Variants in NACAD observed in about 807,000 individuals in gnomAD.
NACAD encodes the protein NAC-alpha domain-containing protein 1.
In NACAD, 47 loss-of-function variants were observed where a neutral mutation model predicts 98.9. That is an observed-to-expected ratio of 0.48 (90% CI 0.38 to 0.61). The LOEUF is 0.61. NACAD is among the 20% of genes least tolerant of loss of function. NACAD has a pLI of 0.00. For missense variants in NACAD, 1,412 were observed against 1,748.2 expected (o/e 0.81, Z 3.43); for synonymous variants, 696 against 767.2 (o/e 0.91, Z 1.53).
chr7:45,081,325 C>T, intron 4 of NACAD, 62 bp from the exon 5 acceptor site: 1 of 1,527,654 alleles, frequency 6.5e-7, no homozygotes, highest in Non-Finnish European at 8.8e-7. Flanking sequence ...GGGAGGAGAG[C>T]AGCACAGTGC....
Position 45,081,840 on chromosome 7 carries a change from TGGCCCGAGCCCAG to T in NACAD, c.4087_4099del (p.Leu1363SerfsTer137). ...TGACTCCCCGTGGCTATCCGAATGC[TGGCCCGAGCCCAG>T]GGCCCGAGGCGAGTCTGGGGAAGGG... On this transcript the variant is annotated frameshift_variant, in exon 3 of 8. Transcript: ENST00000490531. LOFTEE classifies it high-confidence loss of function. 6.5e-7 allele frequency: 1 copy of T among 1,548,184 alleles called. No homozygotes were observed. Among genetic ancestry groups the T allele is most frequent in the South Asian group, 1.2e-5 (1 of 84,016 alleles).
At chr7:45,086,794 G>A (rs1369023428) in intron 1 of NACAD, among the ~76,000 whole-genome samples, 1 of 152,228 alleles carries the variant, frequency 6.6e-6, no homozygotes, top group Non-Finnish European at 1.5e-5. Flanking sequence ...AGGCTTTGCT[G>A]GAGCATCTGG....
At chr7:45,081,080 C>G in intron 5 of NACAD, 37 bp downstream of exon 5, 1 of 1,551,016 alleles carries the variant, frequency 6.4e-7, no homozygotes, top group Non-Finnish European at 8.7e-7. Context: ...TCCCCTATCC[C>G]TCGGATCCCC....
chr7:45,082,512 C>G lies in NACAD; in HGVS notation c.3668G>C (p.Arg1223Thr). 1 of 1,549,756 alleles carries G rather than the reference C, an allele frequency of 6.5e-7. No individual in the cohort carries two copies. The part of the protein sequence containing the change: ...AKGQPSTPVD[R>T]PLGPDPSAPG... ...AGCAGAAGGGTCAGGGCCCAGGGGC[C>G]TGTCCACGGGCGTGCTGGGCTGACC... The change falls in exon 2 of 8, where the codon AGG becomes ACG. Residue 1223 changes from arginine to threonine, a missense_variant. By Grantham distance (71) the Arg-to-Thr change is moderately conservative (BLOSUM62 -1). Coordinates refer to ENST00000490531, the MANE Select transcript of NACAD (RefSeq NM_001146334.2). This position sits in a 1 kb window ranked among gnomAD's most constrained non-coding sequence, Gnocchi z 4.5.
chr7:45,080,567 G>A (rs1319597524), intron 7 of NACAD, 44 bp from the exon 8 acceptor site: 1 of 1,551,450 alleles, frequency 6.4e-7, no homozygotes, highest in Non-Finnish European at 8.7e-7. Context: ...CCCCGCAGTG[G>A]AGCCAACATC....
chr7:45,082,340 G>T lies in NACAD; in HGVS notation c.3840C>A (p.Ala1280=), dbSNP rs767848146. ...GTGTGGTTCCTGAGACAGCAGCAGC[G>T]GCAGGCTGGACTCCTGCCTGGGGCG... is the stretch of plus-strand genomic sequence containing the variant. ...LPPPQAGVQP[A]AAAVSGTTQP... The change falls in exon 2 of 8, where the codon GCC becomes GCA. Residue 1280 remains alanine (A), a synonymous_variant. Transcript: ENST00000490531. The surrounding 1 kb of genome is among the most constrained non-coding windows in gnomAD (Gnocchi z 4.5). 1 of 1,550,472 alleles carries T rather than the reference G, an allele frequency of 6.4e-7. No individual in the cohort carries two copies. Among genetic ancestry groups the T allele is most frequent in the Middle Eastern group, 1.7e-4 (1 of 5,988 alleles).
Position 45,085,325 on chromosome 7 carries a change from G to T in NACAD, c.855C>A (p.Ser285Arg). The change falls in exon 2 of 8, where the codon AGC (serine) becomes AGA (arginine). Residue 285 changes from serine to arginine, a missense_variant. Around this residue, in one of 5 missense-constraint regions of NACAD, gnomAD observed 638 missense variants for 722.7 expected, o/e 0.88. Transcript: ENST00000490531. The surrounding 1 kb of genome is among the most constrained non-coding windows in gnomAD (Gnocchi z 6.1). The part of the protein sequence containing the change: ...SSESSLSADS[S>R]SSWGQEGHFF... ...AGTGGCCCTCCTGGCCCCAGGAGGA[G>T]CTGCTGTCTGCAGAGAGGCTGGACT... The T allele has an allele frequency of 1.3e-6, 2 of 1,551,060 alleles. No homozygotes were observed. Among genetic ancestry groups the T allele is most frequent in the Non-Finnish European group, 1.7e-6 (2 of 1,146,892 alleles).
Position 45,080,724 on chromosome 7 carries a change from C to A in NACAD, c.4590G>T (p.Leu1530=). 2 of 1,551,106 alleles carry A rather than the reference C, an allele frequency of 1.3e-6. No individual in the cohort carries two copies. Among genetic ancestry groups the A allele is most frequent in the Admixed American group, 2.0e-5 (1 of 51,000 alleles). ...EAGLELRDIE[L]VMAQANVSRA... Reference sequence around the variant, plus strand: ...TGGACACATTGGCCTGCGCCATCACCAGCTCAATGTCACGCAGTTCCAGCC... The same window carrying A: ...TGGACACATTGGCCTGCGCCATCACAAGCTCAATGTCACGCAGTTCCAGCC... Residue 1530 remains leucine (L), a synonymous_variant, in exon 7 of 8, where the codon CTG becomes CTT. Coordinates refer to ENST00000490531, the MANE Select transcript of NACAD (RefSeq NM_001146334.2).
Position 45,082,094 on chromosome 7 carries a change from A to G in NACAD, c.4072+14T>C. 6.1e-6 allele frequency: 9 copies of G among 1,464,252 alleles called. No homozygotes were observed. The highest frequency in any genetic ancestry group is 8.1e-6 in the Non-Finnish European group (9 of 1,106,862). The allele number at this position is 1,464,252 out of a possible 1,614,324, so 90.7% of individuals were successfully genotyped here. A position where few individuals can be genotyped will look rare whatever the true frequency, so the allele number is the denominator to read the frequency against. On this transcript the variant is annotated intron_variant, in intron 2 of 7. Coordinates refer to ENST00000490531, the MANE Select transcript of NACAD (RefSeq NM_001146334.2). This position sits in a 1 kb window ranked among gnomAD's most constrained non-coding sequence, Gnocchi z 4.5. ...CCAAGCCCCAGGGCACTTCACTCCCACCCTCTGCCTTACCTTCCTCCAGGC... is the reference window on the plus strand; with the variant it reads ...CCAAGCCCCAGGGCACTTCACTCCCGCCCTCTGCCTTACCTTCCTCCAGGC...
At chr7:45,080,851 A>T in intron 6 of NACAD, 25 bp downstream of exon 6, 5 of 1,551,804 alleles carry the variant, frequency 3.2e-6, no homozygotes, top group Non-Finnish European at 4.4e-6. Context: ...ACCCCCTGCG[A>T]GGCCCTGGAG....
rs1053844228 is a variant in NACAD at position 45,084,844 on chromosome 7, C to G, written c.1336G>C (p.Glu446Gln). 9.0e-6 allele frequency: 14 copies of G among 1,550,780 alleles called. No homozygotes were observed. In the South Asian group the frequency reaches 1.7e-4, roughly 18 times the overall value. The change falls in exon 2 of 8, where the codon GAG (glutamate) becomes CAG (glutamine). Residue 446 changes from glutamate to glutamine, a missense_variant. Coordinates refer to ENST00000490531, the MANE Select transcript of NACAD (RefSeq NM_001146334.2). ...CTGTCTGAGGTCTGAGGAGCAGCCT[C>G]CACGGCCCAGGACACAGTCCCATCC... The part of the protein sequence containing the change: ...AQDGTVSWAV[E>Q]AAPQTSDRGA...
rs983511918 is a variant in NACAD at position 45,088,776 on chromosome 7, G to C, written c.67+52C>G. On this transcript the variant is annotated intron_variant, in intron 1 of 7. Transcript: ENST00000490531. This position sits in a 1 kb window ranked among gnomAD's most constrained non-coding sequence, Gnocchi z 5.7. ...AAGGTGAGCGATGGAAAGAGAACCC[G>C]GGCTGGAGAGGGGAGAGGCTGAAGG... 3.5e-6 allele frequency: 5 copies of C among 1,420,394 alleles called. No homozygotes were observed. In the Admixed American group the frequency reaches 9.7e-5, roughly 28 times the overall value. 88.0% of individuals were successfully genotyped at this position (1,420,394 alleles called of 1,614,324 possible). A position where few individuals can be genotyped will look rare whatever the true frequency, so the allele number is the denominator to read the frequency against.
Position 45,081,806 on chromosome 7 carries a change from C to T in NACAD, c.4134G>A (p.Glu1378=), listed in dbSNP as rs1461237173. The change falls in exon 3 of 8, where the codon GAG becomes GAA. Residue 1378 remains glutamate, a synonymous_variant. Transcript: ENST00000490531. ...GAGCCAAGATGTCCTGCTCGTCCAG[C>T]TCGGCTGATGACTCCCCGTGGCTAT... is the stretch of plus-strand genomic sequence containing the variant. ...HSDSHGESSA[E]LDEQDILAPQ... 14 of 1,550,502 alleles carry T rather than the reference C, an allele frequency of 9.0e-6. No homozygotes were observed. The highest frequency in any genetic ancestry group is 2.4e-5 in the South Asian group (2 of 84,054).
In NACAD at chr7:45,088,436, C is replaced by T. The variant is rs1009962160; in HGVS notation, c.67+392G>A. Reference sequence around the variant, plus strand: ...AGGACCCTCCCGGTGGTCACCTGATCGTACTGGGGGTATCAGCCGGACACC... The same window carrying T: ...AGGACCCTCCCGGTGGTCACCTGATTGTACTGGGGGTATCAGCCGGACACC... On this transcript the variant is annotated intron_variant, in intron 1 of 7. Coordinates refer to ENST00000490531, the MANE Select transcript of NACAD (RefSeq NM_001146334.2). The surrounding 1 kb of genome is among the most constrained non-coding windows in gnomAD (Gnocchi z 5.7). Among the ~76,000 whole-genome samples the T allele has an allele frequency of 1.6e-4, 25 of 152,190 alleles. No homozygotes were observed. The highest frequency in any genetic ancestry group is 5.2e-4 in the Admixed American group (8 of 15,288).
At position 45,082,402 on chromosome 7, in the gene NACAD, CCA is replaced by C; in HGVS notation, c.3776_3777del (p.Val1259GlyfsTer93). The C allele has an allele frequency of 1.9e-6, 3 of 1,549,572 alleles. No homozygotes were observed. The highest frequency in any genetic ancestry group is 1.2e-5 in the South Asian group (1 of 83,998). On this transcript the variant is annotated frameshift_variant, in exon 2 of 8. Transcript: ENST00000490531. LOFTEE classifies it high-confidence loss of function. The surrounding 1 kb of genome is among the most constrained non-coding windows in gnomAD (Gnocchi z 4.5). The stretch of plus-strand genomic sequence containing the variant: ...AGAGAGCCTGGGGGCTCCTCGTCTT[CCA>C]CAGAGTCTTCCTGGGGGTCCTGGCA... ...CLCQDPQEDS[V>X]EDEEPPGSLG...
In NACAD at chr7:45,084,892, C is replaced by T; in HGVS notation, c.1288G>A (p.Gly430Arg). Residue 430 changes from glycine to arginine, a missense_variant, in exon 2 of 8, where the codon GGG becomes AGG. This residue lies in a region of NACAD where 638 missense variants were observed against 722.7 expected (regional missense o/e 0.88). Transcript: ENST00000490531. ...TCCTGAGCCTGCAGCCCCTTGGCCC[C>T]ACCTCCGCTCTCCTCCTCTGTCTTC... is the stretch of plus-strand genomic sequence containing the variant. ...VQKTEEESGG[G>R]AKGLQAQDGT... is the part of the protein sequence containing the mutation. 1 of 1,551,078 alleles carries T rather than the reference C, an allele frequency of 6.4e-7. No homozygotes were observed.
rs1355113066 is a variant in NACAD at position 45,084,526 on chromosome 7, C to T, written c.1654G>A (p.Glu552Lys). The change falls in exon 2 of 8, where the codon GAA becomes AAA. Residue 552 changes from glutamate (E) to lysine (K), a missense_variant. By Grantham distance (56) the Glu-to-Lys change is moderately conservative (BLOSUM62 1). This residue lies in a region of NACAD where 638 missense variants were observed against 722.7 expected (regional missense o/e 0.88). Coordinates refer to ENST00000490531, the MANE Select transcript of NACAD (RefSeq NM_001146334.2). ...TCTGGACACAATGTGAGGCTTGTTT[C>T]TTCCTGTGGAGTTGGAAGTTTTTCT... The part of the protein sequence containing the change: ...TAEKLPTPQE[E>K]TSLTLCPDSP... 1 of 1,552,292 alleles carries T rather than the reference C, an allele frequency of 6.4e-7. No homozygotes were observed. Among genetic ancestry groups the T allele is most frequent in the East Asian group, 2.4e-5 (1 of 40,928 alleles).
rs773348369 is a variant in NACAD, at chr7:45,082,543, C to T, written c.3637G>A (p.Ala1213Thr). 2.7e-5 allele frequency: 42 copies of T among 1,548,486 alleles called. 2 individuals carry two copies. In the Middle Eastern group the frequency reaches 2.3e-3, roughly 86 times the overall value. The change falls in exon 2 of 8, where the codon GCC becomes ACC. Residue 1213 changes from alanine to threonine, a missense_variant. By Grantham distance (58) the Ala-to-Thr change is moderately conservative (BLOSUM62 0). This residue lies in a region of NACAD where 572 missense variants were observed against 639.6 expected (regional missense o/e 0.89). Transcript: ENST00000490531. The surrounding 1 kb of genome is among the most constrained non-coding windows in gnomAD (Gnocchi z 4.5). ...TPLLQPPENLAKGQPSTPVDR... is the reference protein window; with the variant it reads ...TPLLQPPENLTKGQPSTPVDR... ...ACGGGCGTGCTGGGCTGACCCTTGGCAAGGTTTTCTGGGGGCTGCAGCAAG... is the reference window on the plus strand; with the variant it reads ...ACGGGCGTGCTGGGCTGACCCTTGGTAAGGTTTTCTGGGGGCTGCAGCAAG...
Position 45,081,813 on chromosome 7 carries a change from G to A in NACAD, c.4127C>T (p.Ser1376Leu), listed in dbSNP as rs1784434426. Reference sequence around the variant, plus strand: ...GATGTCCTGCTCGTCCAGCTCGGCTGATGACTCCCCGTGGCTATCCGAATG... The same window carrying A: ...GATGTCCTGCTCGTCCAGCTCGGCTAATGACTCCCCGTGGCTATCCGAATG... ...GQHSDSHGES[S>L]AELDEQDILA... Residue 1376 changes from serine to leucine, a missense_variant, in exon 3 of 8, where the codon TCA becomes TTA. By Grantham distance (145) the Ser-to-Leu change is moderately radical (BLOSUM62 -2). This residue lies in a region of NACAD where 572 missense variants were observed against 639.6 expected (regional missense o/e 0.89). Transcript: ENST00000490531. 1 of 1,550,242 alleles carries A rather than the reference G, an allele frequency of 6.5e-7. No individual in the cohort carries two copies. Among genetic ancestry groups the A allele is most frequent in the East Asian group, 2.4e-5 (1 of 40,912 alleles).
Sources: allele counts gnomAD v4.1 joint callset (sites outside exome capture counted in the v4.1 genomes callset), GRCh38; gene constraint gnomAD v4.1.1; regional missense constraint gnomAD v4.1.1; non-coding constraint Gnocchi (gnomAD v3.1); transcripts MANE v1.5; gene names NCBI Gene and HGNC (gene_info 2026-07-23, HGNC 2026-07-21).